The following LPP variants were observed in gnomAD, a reference collection of about 807,000 sequenced individuals.
LPP encodes the protein LIM domain containing preferred translocation partner in lipoma.
In LPP, 38 loss-of-function variants were observed where a neutral mutation model predicts 60.4. That is an observed-to-expected ratio of 0.63 (90% CI 0.49 to 0.83). The LOEUF is 0.83. Ranked by LOEUF, LPP falls within the 40% of genes least tolerant of loss-of-function variation. The probability of loss-of-function intolerance (pLI) is 0.00; values close to 1 mark genes in which losing one functional copy is unlikely to be tolerated. For synonymous variants in LPP, 328 were observed against 290.8 expected (o/e 1.13, Z -1.30); for missense variants, 902 against 783.6 (o/e 1.15, Z -1.80).
intron 4 of LPP, among the ~76,000 whole-genome samples, chr3:188,469,017 C>G (rs916694548): frequency 3.3e-5 from 5 of 152,144 alleles, no homozygotes; most frequent in Non-Finnish European, 5.9e-5. Context: ...TATCCCATGA[C>G]TTCCTAATCT....
chr3:188,786,760 A>C (rs1051725622), intron 9 of LPP, among the ~76,000 whole-genome samples: 2 of 152,226 alleles, frequency 1.3e-5, no homozygotes, highest in Non-Finnish European at 2.9e-5. Flanking sequence ...AAAAGGAAGG[A>C]GTTGTTGATA....
rs571383505 is a variant in LPP, at chr3:188,425,547, C to T, written c.193+19234C>T. On this transcript the variant is annotated intron_variant, in intron 4 of 11. Coordinates refer to ENST00000617246, the MANE Select transcript of LPP (RefSeq NM_001375462.1). ...GTAGCAAGCTCCTCTTTGTACCTCT[C>T]TTAGAATTTGGCTGTTAATCTTTCT... is the stretch of plus-strand genomic sequence containing the variant. Among the ~76,000 whole-genome samples, 6 of 152,116 alleles carry T rather than the reference C, an allele frequency of 3.9e-5. No individual in the cohort carries two copies. In the East Asian group the frequency reaches 5.8e-4, roughly 15 times the overall value.
chr3:188,841,206 G>A (rs1759876571), intron 9 of LPP, among the ~76,000 whole-genome samples: 1 of 152,078 alleles, frequency 6.6e-6, no homozygotes, highest in South Asian at 2.1e-4. Flanking sequence ...TCTGTAATTT[G>A]TATTTTTGGA....
intron 8 of LPP, among the ~76,000 whole-genome samples, chr3:188,755,325 T>C (rs1729779600): frequency 6.6e-6 from 1 of 152,206 alleles, no homozygotes; most frequent in African/African-American, 2.4e-5. Context: ...TCAGTCACCA[T>C]GCATCAACTC....
intron 9 of LPP, among the ~76,000 whole-genome samples, chr3:188,858,021 T>C (rs1258322900): frequency 6.6e-6 from 1 of 152,212 alleles, no homozygotes; most frequent in African/African-American, 2.4e-5. Flanking sequence ...AACACTGCAA[T>C]GTAGACATTT....
Position 188,609,234 on chromosome 3 carries a change from A to G in LPP, c.503A>G (p.Asn168Ser). The G allele has an allele frequency of 1.2e-6, 2 of 1,613,978 alleles. No individual in the cohort carries two copies. Among genetic ancestry groups the G allele is most frequent in the Non-Finnish European group, 8.5e-7 (1 of 1,179,982 alleles). ...GGACACAAGAGAATGGTCATCCCGA[A>G]CCAACCCCCTCTAACAGCAACCAAG... The part of the protein sequence containing the change: ...VTGHKRMVIP[N>S]QPPLTATKKS... The change falls in exon 7 of 12, where the codon AAC (asparagine) becomes AGC (serine). Residue 168 changes from asparagine (N) to serine (S), a missense_variant. Asn to Ser is a conservative substitution (Grantham distance 46, BLOSUM62 1). Transcript: ENST00000617246. This position sits in a 1 kb window ranked among gnomAD's most constrained non-coding sequence, Gnocchi z 6.9.
intron 3 of LPP, among the ~76,000 whole-genome samples, chr3:188,347,126 A>G (rs1357409888): frequency 6.6e-6 from 1 of 152,178 alleles, no homozygotes; most frequent in East Asian, 1.9e-4. Flanking sequence ...TAAATATAAA[A>G]TCTGGATTTA....
chr3:188,205,277 CTTTTTT>C (rs34713244), intron 1 of LPP, among the ~76,000 whole-genome samples: 32 of 103,416 alleles, frequency 3.1e-4, no homozygotes, highest in African/African-American at 1.1e-3. Context: ...AGATTATAAT[CTTTTTT>C]TTTTTTTTTT....
At chr3:188,488,214 C>T (rs1486407696) in intron 5 of LPP, among the ~76,000 whole-genome samples, 1 of 152,086 alleles carries the variant, frequency 6.6e-6, no homozygotes, top group East Asian at 1.9e-4. Flanking sequence ...AGATTCATTG[C>T]AGAGGGTTAC....
At chr3:188,718,970 A>G (rs1715218531) in intron 8 of LPP, among the ~76,000 whole-genome samples, 1 of 152,214 alleles carries the variant, frequency 6.6e-6, no homozygotes, top group Non-Finnish European at 1.5e-5. Context: ...AGTATAACTC[A>G]GATTTTCTCA....
intron 1 of LPP, among the ~76,000 whole-genome samples, chr3:188,172,517 C>T (rs1019469952): frequency 1.3e-5 from 2 of 151,958 alleles, no homozygotes; most frequent in African/African-American, 4.8e-5. Context: ...CACAAAATGG[C>T]GATTTGGAAA....
intron 8 of LPP, among the ~76,000 whole-genome samples, chr3:188,724,780 T>G (rs999435673): frequency 6.6e-6 from 1 of 152,208 alleles, no homozygotes; most frequent in Non-Finnish European, 1.5e-5. Flanking sequence ...ACGTAAATAG[T>G]TTTAACTTTT....
At position 188,645,248 on chromosome 3, in the gene LPP, C is replaced by CT. The variant is rs796743259; in HGVS notation, c.1113+35417dup. Among the ~76,000 whole-genome samples the CT allele has an allele frequency of 9.8e-3, 1,404 of 143,706 alleles. 14 individuals are homozygous for CT. Among genetic ancestry groups the CT allele is most frequent in the African/African-American group, 0.03 (1,197 of 39,438 alleles). The allele number at this position is 143,706 out of a possible 152,430, so 94.3% of individuals were successfully genotyped here. On this transcript the variant is annotated intron_variant, in intron 7 of 11. Transcript: ENST00000617246. ...CTTGTCCTACTTCTCAGTTCTAGAA[C>CT]TTTTTTTTTTTTTCCTTAATGGAAG...
chr3:188,825,977 C>T (rs948633871), intron 9 of LPP, among the ~76,000 whole-genome samples: 16 of 152,078 alleles, frequency 1.1e-4, no homozygotes, highest in Non-Finnish European at 2.2e-4. Flanking sequence ...TACCTGGTGA[C>T]ATAATCATAC....
At chr3:188,447,978 T>A (rs1795670394) in intron 4 of LPP, among the ~76,000 whole-genome samples, 1 of 151,946 alleles carries the variant, frequency 6.6e-6, no homozygotes. Context: ...CATAGAAGAG[T>A]AGATTGGAGG....
At chr3:188,713,897 G>A (rs970013557) in intron 8 of LPP, among the ~76,000 whole-genome samples, 2 of 152,004 alleles carry the variant, frequency 1.3e-5, no homozygotes, top group East Asian at 1.9e-4. Flanking sequence ...TCCCGTTATC[G>A]TTTTCTTTTT....
intron 9 of LPP, among the ~76,000 whole-genome samples, chr3:188,862,749 AAAAGAAAGAAAG>A (rs1334848807): frequency 1.4e-5 from 2 of 145,696 alleles, no homozygotes; most frequent in African/African-American, 5.1e-5. Context: ...AAGAAAAAAG[AAAAGAAAGAAAG>A]AAAAAGAAAG....
At chr3:188,248,923 A>G (rs1479935) in intron 2 of LPP, among the ~76,000 whole-genome samples, 92,048 of 151,940 alleles carry the variant, frequency 0.61, 28,351 homozygotes, top group Middle Eastern at 0.7. Flanking sequence ...AAGTGAAATA[A>G]CACTCAGGTT....
At chr3:188,584,778 A>G (rs1242098870) in intron 6 of LPP, among the ~76,000 whole-genome samples, 3 of 151,314 alleles carry the variant, frequency 2.0e-5, no homozygotes, top group Non-Finnish European at 4.4e-5. Flanking sequence ...TACTTTCAAC[A>G]TCATCTTACT....
Sources: allele counts gnomAD v4.1 joint callset (sites outside exome capture counted in the v4.1 genomes callset), GRCh38; gene constraint gnomAD v4.1.1; non-coding constraint Gnocchi (gnomAD v3.1); transcripts MANE v1.5; gene names NCBI Gene and HGNC (gene_info 2026-07-23, HGNC 2026-07-21).